NDUFAF7: variants seen among roughly 807,000 people sequenced by gnomAD.
NDUFAF7 encodes NADH:ubiquinone oxidoreductase complex assembly factor 7, also known as protein arginine methyltransferase NDUFAF7, mitochondrial.
NDUFAF7 carries 48 observed loss-of-function variants against 47.2 expected under a neutral mutation model. That is an observed-to-expected ratio of 1.02 (90% CI 0.81 to 1.29). The LOEUF is 1.29. Among genes scored for constraint, NDUFAF7 ranks in the 50% most tolerant of loss-of-function variants. The probability of loss-of-function intolerance (pLI) is 0.00; values close to 1 mark genes in which losing one functional copy is unlikely to be tolerated. For missense variants in NDUFAF7, 635 were observed against 537.6 expected, an observed-to-expected ratio of 1.18 and a Z score of -1.79; for synonymous variants, 217 against 190.0, an observed-to-expected ratio of 1.14 and a Z score of -1.17.
the NDUFAF7 span, among the ~76,000 whole-genome samples, chr2:37,259,122 G>A: frequency 4.9e-3 from 753 of 152,158 alleles, 7 homozygotes; most frequent in African/African-American, 0.017. Flanking sequence ...ACAGAAGCAC[G>A]ATGCCATTGT....
Position 37,248,683 on chromosome 2 carries a change from G to A in NDUFAF7, c.*333G>A, listed in dbSNP as rs1667183122. On this transcript the variant is annotated 3_prime_UTR_variant, in exon 10 of 10. Transcript: ENST00000002125. ...TAATCCCAGCACTTTGGGAGGCTGA[G>A]GTGGGCATATCACCTGAGGTCAGCA... The A allele has an allele frequency of 2.9e-6, 1 of 348,870 alleles. No individual in the cohort carries two copies. Among genetic ancestry groups the A allele is most frequent in the Non-Finnish European group, 5.6e-6 (1 of 179,896 alleles). 21.6% of individuals were successfully genotyped at this position (348,870 alleles called of 1,614,324 possible). A position where few individuals can be genotyped will look rare whatever the true frequency, so the allele number is the denominator to read the frequency against.
At chr2:37,266,605 G>C in the NDUFAF7 span, among the ~76,000 whole-genome samples, 1 of 151,970 alleles carries the variant, frequency 6.6e-6, no homozygotes. Flanking sequence ...TCCTGCCTCA[G>C]CCTCCTGAGT....
Position 37,231,770 on chromosome 2 carries a change from A to T in NDUFAF7, c.55+10A>T. On this transcript the variant is annotated intron_variant, in intron 1 of 9. Transcript: ENST00000002125. ...GCCGTGGCGCGCGCAGGTAAGCGTC[A>T]GTCCCCTCGAAGCCCGGTTGCCGTG... 6.2e-7 allele frequency: 1 copy of T among 1,614,166 alleles called. No individual in the cohort carries two copies. The highest frequency in any genetic ancestry group is 1.3e-5 in the African/African-American group (1 of 75,064).
At chr2:37,233,991 T>A (rs1374673385) in intron 2 of NDUFAF7, among the ~76,000 whole-genome samples, 1 of 152,258 alleles carries the variant, frequency 6.6e-6, no homozygotes, top group Non-Finnish European at 1.5e-5. Context: ...TATTTCCTTA[T>A]CACAATACAG....
chr2:37,244,026 C>T, intron 7 of NDUFAF7, 53 bp downstream of exon 7: 1 of 1,414,096 alleles, frequency 7.1e-7, no homozygotes, highest in Non-Finnish European at 9.9e-7. Flanking sequence ...TCTTCAAAGT[C>T]TTATTTTCTG....
downstream of NDUFAF7, chr2:37,254,229 T>C (rs1431354930): frequency 3.1e-6 from 5 of 1,612,848 alleles, no homozygotes; most frequent in Middle Eastern, 1.7e-4. Flanking sequence ...ACTAAGAGAT[T>C]TGTCAACACT....
At chr2:37,244,377 C>G (rs1055525260) in intron 7 of NDUFAF7, among the ~76,000 whole-genome samples, 4 of 152,182 alleles carry the variant, frequency 2.6e-5, no homozygotes, top group African/African-American at 9.7e-5. Flanking sequence ...ACTCTGTTTT[C>G]TCATTTAATT....
chr2:37,267,600 A>T, the NDUFAF7 span: 2 of 1,180,738 alleles, frequency 1.7e-6, no homozygotes, highest in African/African-American at 3.1e-5. Flanking sequence ...GGAGTTGTCC[A>T]CAGACTGAAA....
chr2:37,254,309 A>C (rs751649939), downstream of NDUFAF7: 24 of 1,594,004 alleles, frequency 1.5e-5, no homozygotes, highest in African/African-American at 3.1e-4. Context: ...AAGACAAAAC[A>C]AGATACATGA....
the NDUFAF7 span, among the ~76,000 whole-genome samples, chr2:37,261,724 G>A: frequency 5.3e-4 from 80 of 152,208 alleles, no homozygotes; most frequent in Non-Finnish European, 9.3e-4. Context: ...AGGTTGCGGT[G>A]AGCTGAGATT....
At chr2:37,261,355 C>T in the NDUFAF7 span, among the ~76,000 whole-genome samples, 1 of 152,078 alleles carries the variant, frequency 6.6e-6, no homozygotes, top group Non-Finnish European at 1.5e-5. Flanking sequence ...GGTGTGGTGA[C>T]AGGTATCTGT....
downstream of NDUFAF7, chr2:37,257,060 G>C: frequency 9.7e-7 from 1 of 1,025,734 alleles, no homozygotes; most frequent in Non-Finnish European, 1.4e-6. Flanking sequence ...ATTAATCACA[G>C]ATAAGGAAAT....
chr2:37,231,962 G>T lies in NDUFAF7; in HGVS notation c.56-144G>T. 3 of 1,596,844 alleles carry T rather than the reference G, an allele frequency of 1.9e-6. No individual in the cohort carries two copies. In the South Asian group the frequency reaches 3.3e-5, roughly 18 times the overall value. On this transcript the variant is annotated intron_variant, in intron 1 of 9. Coordinates refer to ENST00000002125, the MANE Select transcript of NDUFAF7 (RefSeq NM_144736.5). ...CAAGTGGGTGCTGTCTCTGCGCCCC[G>T]TGGGCGTGCTAAGCACAGTAGCCCG...
chr2:37,237,994 T>A, intron 4 of NDUFAF7, 127 bp downstream of exon 4: 1 of 748,122 alleles, frequency 1.3e-6, no homozygotes, highest in Non-Finnish European at 2.3e-6. Flanking sequence ...AAATATAATG[T>A]CAGAATAATG....
At chr2:37,256,518 T>C, downstream of NDUFAF7, 2 of 1,111,306 alleles carry the variant, frequency 1.8e-6, no homozygotes, top group Non-Finnish European at 2.5e-6. Context: ...AAAAAACTGG[T>C]AACTAGTTGA....
the NDUFAF7 span, among the ~76,000 whole-genome samples, chr2:37,266,019 CA>C: frequency 2.6e-5 from 4 of 152,102 alleles, no homozygotes; most frequent in Non-Finnish European, 5.9e-5. Flanking sequence ...ATTAGATACG[CA>C]AAAATACCTG....
At chr2:37,244,035 T>C in intron 7 of NDUFAF7, 62 bp downstream of exon 7, 2 of 1,355,696 alleles carry the variant, frequency 1.5e-6, no homozygotes, top group Non-Finnish European at 1.0e-6. Context: ...TCTTATTTTC[T>C]GAGTTACTAC....
chr2:37,260,200 A>T, the NDUFAF7 span: 2 of 1,449,580 alleles, frequency 1.4e-6, no homozygotes, highest in Non-Finnish European at 1.9e-6. Flanking sequence ...CGCTAGTTTA[A>T]AAAAAAAAAG....
the NDUFAF7 span, chr2:37,269,146 C>T: frequency 6.3e-5 from 11 of 174,172 alleles, no homozygotes; most frequent in African/African-American, 1.7e-4. Context: ...AAGATGCTAA[C>T]GCACAGTAAG....
Sources: gnomAD v4.1 joint callset for allele counts (sites outside exome capture counted in the v4.1 genomes callset) on GRCh38, gnomAD v4.1.1 for gene constraint, MANE v1.5 for transcripts, NCBI Gene and HGNC (gene_info 2026-07-23, HGNC 2026-07-21) for gene names.